The following SMCO4 variants were observed in gnomAD, a reference collection of about 807,000 sequenced individuals.
SMCO4 encodes the protein single-pass membrane protein with coiled-coil domains 4.
In SMCO4, 4 loss-of-function variants were observed where a neutral mutation model predicts 3.6. The observed-to-expected ratio is 1.11, with a 90% CI of 0.54 to 2.53. The LOEUF (loss-of-function observed/expected upper bound fraction) is 2.53. SMCO4 is among the 30% of genes most tolerant of loss of function. The pLI is 0.02. For synonymous variants in SMCO4, 36 were observed against 35.3 expected (o/e 1.02, Z -0.07); for missense variants, 70 against 80.8 (o/e 0.87, Z 0.51).
chr11:93,529,546 T>A (rs1364484174), intron 1 of SMCO4, among the ~76,000 whole-genome samples: 2 of 152,046 alleles, frequency 1.3e-5, no homozygotes, highest in Admixed American at 6.6e-5. Flanking sequence ...GAGTCTGAAA[T>A]CAGGCCCCCG....
Position 93,478,966 on chromosome 11 carries a change from C to A in SMCO4, c.*44G>T. ...ATTTTTTGTTTGCGTCCCCCTCCCG[C>A]GCCTCCTCTCCCTGCCGATGGGGTC... On this transcript the variant is annotated 3_prime_UTR_variant, in exon 3 of 3. Coordinates refer to ENST00000298966, the MANE Select transcript of SMCO4 (RefSeq NM_020179.3). 2 of 1,568,570 alleles carry A rather than the reference C, an allele frequency of 1.3e-6. No individual in the cohort carries two copies. Among genetic ancestry groups the A allele is most frequent in the East Asian group, 2.3e-5 (1 of 44,162 alleles).
At chr11:93,497,024 G>A (rs1285684084) in intron 2 of SMCO4, among the ~76,000 whole-genome samples, 2 of 152,166 alleles carry the variant, frequency 1.3e-5, no homozygotes, top group Admixed American at 6.5e-5. Context: ...AAAGACCAGA[G>A]ATGGTGGCCT....
At chr11:93,533,976 C>T (rs1949187956) in intron 1 of SMCO4, among the ~76,000 whole-genome samples, 1 of 151,940 alleles carries the variant, frequency 6.6e-6, no homozygotes, top group African/African-American at 2.4e-5. Context: ...CACTTTAAGT[C>T]CAGGGTTCAA....
intron 1 of SMCO4, among the ~76,000 whole-genome samples, chr11:93,525,629 A>G (rs1283645447): frequency 6.6e-6 from 1 of 152,012 alleles, no homozygotes; most frequent in Non-Finnish European, 1.5e-5. Context: ...TTATAAATAC[A>G]CCCTACGACC....
chr11:93,484,279 C>G (rs918634998), intron 2 of SMCO4, among the ~76,000 whole-genome samples: 3 of 152,194 alleles, frequency 2.0e-5, no homozygotes, highest in Admixed American at 1.3e-4. Flanking sequence ...TTAGAACTTT[C>G]CCGTCTTTTC....
intron 1 of SMCO4, among the ~76,000 whole-genome samples, chr11:93,530,247 C>T (rs1170215314): frequency 2.0e-5 from 3 of 152,186 alleles, no homozygotes; most frequent in African/African-American, 4.8e-5. Context: ...CCAGTTCACA[C>T]GTGTGAGGCC....
chr11:93,520,661 C>T (rs1949048877), intron 1 of SMCO4, among the ~76,000 whole-genome samples: 1 of 152,198 alleles, frequency 6.6e-6, no homozygotes, highest in Admixed American at 6.5e-5. Flanking sequence ...CTTTTCCTAT[C>T]AAGATACAAA....
intron 1 of SMCO4, among the ~76,000 whole-genome samples, chr11:93,534,305 CATAT>C (rs1353377184): frequency 7.0e-6 from 1 of 143,070 alleles, no homozygotes; most frequent in African/African-American, 2.6e-5. Context: ...CATATATATA[CATAT>C]ATACACATAT....
At chr11:93,491,066 C>T (rs1217427194) in intron 2 of SMCO4, among the ~76,000 whole-genome samples, 1 of 152,226 alleles carries the variant, frequency 6.6e-6, no homozygotes, top group East Asian at 1.9e-4. Context: ...GATGGCAGTT[C>T]TTTATCCAAA....
At chr11:93,552,894 A>G in the SMCO4 span, among the ~76,000 whole-genome samples, 1 of 152,086 alleles carries the variant, frequency 6.6e-6, no homozygotes, top group Non-Finnish European at 1.5e-5. Context: ...TCCTTATTAT[A>G]TACAGCCTGC....
At chr11:93,544,487 G>T (rs1414973919), upstream of SMCO4, among the ~76,000 whole-genome samples, 3 of 152,164 alleles carry the variant, frequency 2.0e-5, no homozygotes, top group Non-Finnish European at 4.4e-5. Context: ...CCACTCTTCT[G>T]CAGGTTTTCC....
chr11:93,551,724 A>G, the SMCO4 span, among the ~76,000 whole-genome samples: 1 of 152,232 alleles, frequency 6.6e-6, no homozygotes, highest in Non-Finnish European at 1.5e-5. Flanking sequence ...AGAGAACTTG[A>G]TTCATAGCCA....
At chr11:93,518,936 A>T (rs924714303) in intron 1 of SMCO4, among the ~76,000 whole-genome samples, 1 of 152,204 alleles carries the variant, frequency 6.6e-6, no homozygotes, top group African/African-American at 2.4e-5. Context: ...ATTTTTAGTA[A>T]GACCACTCTT....
intron 2 of SMCO4, among the ~76,000 whole-genome samples, chr11:93,497,717 A>AG (rs1948791209): frequency 6.6e-6 from 1 of 152,204 alleles, no homozygotes; most frequent in Admixed American, 6.5e-5. Context: ...TGAACTTCTG[A>AG]GCTTATTTCC....
In SMCO4 at chr11:93,479,135, G is replaced by A. The variant is rs140592708; in HGVS notation, c.55C>T (p.Arg19Trp). 2.5e-5 allele frequency: 41 copies of A among 1,614,060 alleles called. No homozygotes were observed. The highest frequency in any genetic ancestry group is 6.7e-5 in the Admixed American group (4 of 60,018). Residue 19 changes from arginine (R) to tryptophan (W), a missense_variant, in exon 3 of 3, where the codon CGG (arginine) becomes TGG (tryptophan). Physicochemically the swap from Arg to Trp is moderately radical, Grantham distance 101. Coordinates refer to ENST00000298966, the MANE Select transcript of SMCO4 (RefSeq NM_020179.3). ...CGGGCCTCCTGCATGGCTTGCTTCC[G>A]CTCCTTCTTGTCCTTGGAGGTCTCC... ...KKETSKDKKERKQAMQEARQQ... is the reference protein window; with the variant it reads ...KKETSKDKKEWKQAMQEARQQ...
chr11:93,524,998 C>T (rs1949092692), intron 1 of SMCO4, among the ~76,000 whole-genome samples: 1 of 152,196 alleles, frequency 6.6e-6, no homozygotes, highest in Non-Finnish European at 1.5e-5. Flanking sequence ...CGGCCCACAT[C>T]CCCAACACCC....
intron 1 of SMCO4, among the ~76,000 whole-genome samples, chr11:93,527,853 T>C (rs962652782): frequency 2.6e-5 from 4 of 152,116 alleles, no homozygotes; most frequent in Non-Finnish European, 4.4e-5. Flanking sequence ...TTTTGCTATG[T>C]AGCCCTCAAA....
At chr11:93,553,105 G>A in the SMCO4 span, among the ~76,000 whole-genome samples, 16 of 152,168 alleles carry the variant, frequency 1.1e-4, no homozygotes, top group Non-Finnish European at 2.4e-4. Flanking sequence ...AAACCACATG[G>A]TTCCAAAGTC....
chr11:93,495,272 T>A (rs1244036948), intron 2 of SMCO4, among the ~76,000 whole-genome samples: 1 of 152,062 alleles, frequency 6.6e-6, no homozygotes, highest in Non-Finnish European at 1.5e-5. Flanking sequence ...CCTTTGCTGG[T>A]ATTCCCATTA....
Sources: gnomAD v4.1 joint callset for allele counts (sites outside exome capture counted in the v4.1 genomes callset) on GRCh38, gnomAD v4.1.1 for gene constraint, MANE v1.5 for transcripts, NCBI Gene and HGNC (gene_info 2026-07-23, HGNC 2026-07-21) for gene names.